Variants in ADAM12 observed in about 807,000 individuals in gnomAD.
ADAM12 encodes the protein disintegrin and metalloproteinase domain-containing protein 12.
In ADAM12, 70 loss-of-function variants were observed where a neutral mutation model predicts 106.4. The observed-to-expected ratio is 0.66, with a 90% CI of 0.54 to 0.80. The LOEUF is 0.80. ADAM12 is among the 30% of genes least tolerant of loss of function. ADAM12 has a pLI of 0.00. For missense variants in ADAM12, 1,010 were observed against 1,171.9 expected, an observed-to-expected ratio of 0.86 and a Z score of 2.02; for synonymous variants, 420 against 433.5, an observed-to-expected ratio of 0.97 and a Z score of 0.39.
At chr10:126,190,562 C>T (rs1209210272) in intron 3 of ADAM12, among the ~76,000 whole-genome samples, 1 of 152,088 alleles carries the variant, frequency 6.6e-6, no homozygotes, top group African/African-American at 2.4e-5. Context: ...CTGGGAATTT[C>T]ACCAAAATTC....
At chr10:126,259,160 C>T (rs779789736) in intron 3 of ADAM12, among the ~76,000 whole-genome samples, 2 of 150,462 alleles carry the variant, frequency 1.3e-5, no homozygotes, top group Non-Finnish European at 3.0e-5. Context: ...ATCTAACAGA[C>T]GTCAAACTGA....
At chr10:126,051,524 G>GCCAGCCAA (rs1954489012) in intron 14 of ADAM12, among the ~76,000 whole-genome samples, 1 of 121,082 alleles carries the variant, frequency 8.3e-6, no homozygotes, top group Non-Finnish European at 1.7e-5. Flanking sequence ...CATCCATCCA[G>GCCAGCCAA]CCAGCCAGCC....
intron 2 of ADAM12, among the ~76,000 whole-genome samples, chr10:126,284,427 C>T (rs1959747721): frequency 6.6e-6 from 1 of 151,092 alleles, no homozygotes. Context: ...CCATGTGTCT[C>T]ATTGTCTGTC....
chr10:126,069,391 G>A (rs1954937981), intron 12 of ADAM12, among the ~76,000 whole-genome samples: 1 of 152,186 alleles, frequency 6.6e-6, no homozygotes, highest in African/African-American at 2.4e-5. Flanking sequence ...ATATCAAGAA[G>A]TTATCCTACA....
intron 21 of ADAM12, among the ~76,000 whole-genome samples, chr10:126,029,588 C>T (rs921811129): frequency 2.6e-5 from 4 of 152,094 alleles, no homozygotes; most frequent in Admixed American, 6.6e-5. Flanking sequence ...AGCATCAGGA[C>T]GAATAGCTAA....
intron 1 of ADAM12, among the ~76,000 whole-genome samples, chr10:126,339,070 C>A (rs1224442705): frequency 3.9e-5 from 6 of 152,130 alleles, no homozygotes; most frequent in Non-Finnish European, 7.3e-5. Context: ...GGATTTCTTC[C>A]CCTCCTCTGC....
intron 5 of ADAM12, among the ~76,000 whole-genome samples, chr10:126,119,790 GA>G (rs764084935): frequency 5.9e-5 from 9 of 152,202 alleles, no homozygotes; most frequent in Non-Finnish European, 1.0e-4. Context: ...CCACTGCCTG[GA>G]AATGAGTAAT....
intron 3 of ADAM12, among the ~76,000 whole-genome samples, chr10:126,162,386 A>G (rs1956951786): frequency 6.6e-6 from 1 of 152,026 alleles, no homozygotes; most frequent in Non-Finnish European, 1.5e-5. Context: ...CTAGCGGGCA[A>G]CGCGCAGAGG....
chr10:126,023,908 GAAAA>G (rs5788761), intron 21 of ADAM12, among the ~76,000 whole-genome samples: 3 of 140,738 alleles, frequency 2.1e-5, no homozygotes, highest in African/African-American at 5.2e-5. Flanking sequence ...TGAACTCATG[GAAAA>G]AAAAAAAAAA....
At chr10:126,019,591 A>G in intron 22 of ADAM12, 104 bp downstream of exon 22, 2 of 1,418,090 alleles carry the variant, frequency 1.4e-6, no homozygotes, top group Non-Finnish European at 1.9e-6. Flanking sequence ...GGGAGCAGGA[A>G]GCACGGCCTA....
At chr10:126,138,934 A>G (rs1167309328) in intron 4 of ADAM12, among the ~76,000 whole-genome samples, 1 of 152,092 alleles carries the variant, frequency 6.6e-6, no homozygotes, top group Non-Finnish European at 1.5e-5. Flanking sequence ...CGGCATGTGG[A>G]CAGCTAGTTG....
At chr10:126,029,400 A>C (rs1953935820) in intron 21 of ADAM12, among the ~76,000 whole-genome samples, 1 of 152,254 alleles carries the variant, frequency 6.6e-6, no homozygotes, top group Non-Finnish European at 1.5e-5. Context: ...ATGGAATACT[A>C]TGCAGCCATA....
At chr10:126,032,577 T>C (rs184997495) in intron 21 of ADAM12, among the ~76,000 whole-genome samples, 1 of 152,262 alleles carries the variant, frequency 6.6e-6, no homozygotes, top group African/African-American at 2.4e-5. Context: ...TCTGATAACA[T>C]GGTCTGTTAG....
chr10:126,250,131 C>T (rs1958716476), intron 3 of ADAM12, among the ~76,000 whole-genome samples: 1 of 152,152 alleles, frequency 6.6e-6, no homozygotes, highest in Admixed American at 6.5e-5. Flanking sequence ...CAGGGCATAC[C>T]GACCGCAAGG....
intron 3 of ADAM12, among the ~76,000 whole-genome samples, chr10:126,160,132 G>A (rs1305524285): frequency 6.6e-6 from 1 of 152,168 alleles, no homozygotes; most frequent in Non-Finnish European, 1.5e-5. Context: ...GAGGGGAAGG[G>A]GAAGGGGAAG....
intron 14 of ADAM12, among the ~76,000 whole-genome samples, chr10:126,051,169 G>C (rs1954472430): frequency 6.6e-6 from 1 of 152,140 alleles, no homozygotes; most frequent in African/African-American, 2.4e-5. Flanking sequence ...TGCACTTTGT[G>C]CTTAATTTAA....
chr10:126,117,030 A>G (rs1955996699), intron 6 of ADAM12, among the ~76,000 whole-genome samples: 2 of 152,210 alleles, frequency 1.3e-5, no homozygotes, highest in Admixed American at 1.3e-4. Context: ...AAATATAAGC[A>G]CAAGCGACAT....
At chr10:126,368,596 G>A (rs1242381150) in intron 1 of ADAM12, among the ~76,000 whole-genome samples, 2 of 151,756 alleles carry the variant, frequency 1.3e-5, no homozygotes, top group Non-Finnish European at 2.9e-5. Flanking sequence ...TAAGAAAGCA[G>A]CATAAAACAA....
At chr10:126,165,138 T>C (rs778970508) in intron 3 of ADAM12, among the ~76,000 whole-genome samples, 125 of 152,238 alleles carry the variant, frequency 8.2e-4, no homozygotes, top group Non-Finnish European at 1.2e-3. Context: ...CCCCTGTTCA[T>C]TGTTTGCTCA....
Sources: allele counts gnomAD v4.1 joint callset (sites outside exome capture counted in the v4.1 genomes callset), GRCh38; gene constraint gnomAD v4.1.1; transcripts MANE v1.5; gene names NCBI Gene and HGNC (gene_info 2026-07-23, HGNC 2026-07-21).